Variants in NLRP10 observed in about 807,000 individuals in gnomAD.
NLRP10 encodes NLR family pyrin domain containing 10.
Under a neutral mutation model 8.2 loss-of-function variants are expected in NLRP10, and 7 were observed. The observed-to-expected ratio is 0.85, with a 90% CI of 0.48 to 1.60. The LOEUF (loss-of-function observed/expected upper bound fraction) is 1.60, where lower values mean the gene tolerates loss of function less well. NLRP10 is among the 40% of genes most tolerant of loss of function. The pLI, the probability that NLRP10 is intolerant of heterozygous loss-of-function variation, is 0.00. For synonymous variants in NLRP10, 338 were observed against 314.0 expected (o/e 1.08, Z -0.81); for missense variants, 814 against 776.3 (o/e 1.05, Z -0.58).
chr11:7,959,960 T>C lies in NLRP10; in HGVS notation c.1652A>G (p.Gln551Arg). 2 of 1,614,218 alleles carry C rather than the reference T, an allele frequency of 1.2e-6. No homozygotes were observed. Among genetic ancestry groups the C allele is most frequent in the African/African-American group, 2.7e-5 (2 of 75,076 alleles). The change falls in exon 3 of 3, where the codon CAG (glutamine) becomes CGG (arginine). Residue 551 changes from glutamine to arginine, a missense_variant. Gln to Arg is a conservative substitution (Grantham distance 43). Transcript: ENST00000691676. ...LAQDLKHFKE[Q>R]MESMKHNRTW... The stretch of plus-strand genomic sequence containing the variant: ...CCTGTTGTGCTTCATAGATTCCATC[T>C]GTTCTTTAAAATGCTTCAGATCCTG...
At position 7,961,306 on chromosome 11, in the gene NLRP10, G is replaced by A. The variant is rs773642195; in HGVS notation, c.306C>T (p.Tyr102=). Residue 102 remains tyrosine (Y), a synonymous_variant, in exon 3 of 3, where the codon TAC becomes TAT. Coordinates refer to ENST00000691676, the MANE Select transcript of NLRP10 (RefSeq NM_001391958.1). ...CCTCTAGGCAGCGCACATGCTCTCG[G>A]TATACTTCTCTGTAATCTGAGCCAA... ...HICLHDYREV[Y]REHVRCLEEW... 3.8e-6 allele frequency: 6 copies of A among 1,566,448 alleles called. No homozygotes were observed. Among genetic ancestry groups the A allele is most frequent in the Admixed American group, 3.8e-5 (2 of 52,564 alleles).
chr11:7,957,634 C>T lies in NLRP10; in HGVS notation c.*2010G>A, dbSNP rs1292569822. Among the ~76,000 whole-genome samples the T allele has an allele frequency of 2.6e-5, 4 of 152,136 alleles. No homozygotes were observed. The highest frequency in any genetic ancestry group is 5.9e-5 in the Non-Finnish European group (4 of 68,010). On this transcript the variant is annotated 3_prime_UTR_variant, in exon 3 of 3. Transcript: ENST00000691676. ...TTCCTATATACCCTCTCCACCACCA[C>T]CACCCCCTCACAAAGTTTCTCTTAT...
intron 2 of NLRP10, among the ~76,000 whole-genome samples, chr11:7,961,843 G>A (rs1941737232): frequency 6.6e-6 from 1 of 152,180 alleles, no homozygotes. Context: ...CAAATTTCAG[G>A]TTGAAATGTG....
Position 7,963,410 on chromosome 11 carries a change from T to C in NLRP10, c.86A>G (p.Lys29Arg). The change falls in exon 2 of 3, where the codon AAG becomes AGG. Residue 29 changes from lysine (K) to arginine (R), a missense_variant. Transcript: ENST00000691676. ...CAGGGTCATATCCCGTAAGTAGAAC[T>C]TTAACTTCTTGAAATCGTTCTCCTC... ...DLEENDFKKLKFYLRDMTLSE... is the reference protein window; with the variant it reads ...DLEENDFKKLRFYLRDMTLSE... 6.2e-7 allele frequency: 1 copy of C among 1,614,152 alleles called. No individual in the cohort carries two copies. Among genetic ancestry groups the C allele is most frequent in the Non-Finnish European group, 8.5e-7 (1 of 1,180,002 alleles).
Position 7,959,591 on chromosome 11 carries a change from C to T in NLRP10, c.*53G>A. 1 of 888,254 alleles carries T rather than the reference C, an allele frequency of 1.1e-6. No individual in the cohort carries two copies. Among genetic ancestry groups the T allele is most frequent in the African/African-American group, 1.7e-5 (1 of 59,098 alleles). The allele number at this position is 888,254 out of a possible 1,614,324, so 55.0% of individuals were successfully genotyped here. On this transcript the variant is annotated 3_prime_UTR_variant, in exon 3 of 3. Coordinates refer to ENST00000691676, the MANE Select transcript of NLRP10 (RefSeq NM_001391958.1). The stretch of plus-strand genomic sequence containing the variant: ...CATTTACAGCTTCTTTGATTTCTTT[C>T]CTCAGAGTGTTGTCATTTTCCTCAT...
intron 2 of NLRP10, among the ~76,000 whole-genome samples, chr11:7,962,260 G>C (rs546654524): frequency 0.036 from 406 of 11,336 alleles, 11 homozygotes; most frequent in Admixed American, 0.24. Context: ...TTTTGAGATG[G>C]AGTTTCGCTC....
In NLRP10 at chr11:7,963,367, TG is replaced by T; in HGVS notation, c.128del (p.Pro43HisfsTer10). ...RDMTLSEGQP[P>X]LARGELEGLI... is the part of the protein sequence containing the mutation. ...GGCCCTCCAACTCCCCTCTGGCCAG[TG>T]GGGGCTGGCCCTCAGACAGGGTCAT... On this transcript the variant is annotated frameshift_variant, in exon 2 of 3. Coordinates refer to ENST00000691676, the MANE Select transcript of NLRP10 (RefSeq NM_001391958.1). LOFTEE classifies it high-confidence loss of function. 1 of 1,613,698 alleles carries T rather than the reference TG, an allele frequency of 6.2e-7. No individual in the cohort carries two copies. The highest frequency in any genetic ancestry group is 1.1e-5 in the South Asian group (1 of 91,074).
At chr11:7,961,899 T>A (rs926369626) in intron 2 of NLRP10, among the ~76,000 whole-genome samples, 1 of 152,154 alleles carries the variant, frequency 6.6e-6, no homozygotes, top group African/African-American at 2.4e-5. Context: ...GTTTTTGTCA[T>A]GGGGGCAAAT....
intron 1 of NLRP10, among the ~76,000 whole-genome samples, chr11:7,964,145 C>T (rs948318753): frequency 6.6e-6 from 1 of 152,172 alleles, no homozygotes; most frequent in South Asian, 2.1e-4. Flanking sequence ...TAGACTCGAT[C>T]TCCTGACCTC....
chr11:7,960,915 G>C lies in NLRP10; in HGVS notation c.697C>G (p.Pro233Ala), dbSNP rs1280287992. ...LFWCCGDNQA[P>A]VTEILRQPER... is the part of the protein sequence containing the mutation. ...GGCTGCCTCAGAATCTCTGTGACAG[G>C]GGCTTGATTGTCCCCGCAGCACCAG... Residue 233 changes from proline to alanine, a missense_variant, in exon 3 of 3, where the codon CCT (proline) becomes GCT (alanine). Physicochemically the swap from Pro to Ala is conservative, Grantham distance 27. Coordinates refer to ENST00000691676, the MANE Select transcript of NLRP10 (RefSeq NM_001391958.1). 6.2e-7 allele frequency: 1 copy of C among 1,614,110 alleles called. No individual in the cohort carries two copies. Among genetic ancestry groups the C allele is most frequent in the African/African-American group, 1.3e-5 (1 of 75,008 alleles).
Position 7,965,323 on chromosome 11 carries a change from C to A in NLRP10, c.-123G>T, listed in dbSNP as rs1179030171. The A allele has an allele frequency of 6.6e-6, 1 of 152,262 alleles. No individual in the cohort carries two copies. Among genetic ancestry groups the A allele is most frequent in the Admixed American group, 6.5e-5 (1 of 15,278 alleles). 9.4% of individuals were successfully genotyped at this position (152,262 alleles called of 1,614,324 possible). A position where few individuals can be genotyped will look rare whatever the true frequency, so the allele number is the denominator to read the frequency against. On this transcript the variant is annotated 5_prime_UTR_variant, in exon 1 of 3. In the 5' UTR this introduces an upstream ATG that the reference lacks. Coordinates refer to ENST00000691676, the MANE Select transcript of NLRP10 (RefSeq NM_001391958.1). ...GATCCAGGAGCCCAGTAAGCAAAGC[C>A]TGGGGACTGAGACGAAACAGATCCC...
intron 2 of NLRP10, among the ~76,000 whole-genome samples, chr11:7,961,980 T>C (rs560090909): frequency 1.1e-4 from 14 of 129,738 alleles, no homozygotes; most frequent in African/African-American, 4.2e-4. Context: ...ACACAAGAGC[T>C]GGTTGTTTAA....
intron 2 of NLRP10, among the ~76,000 whole-genome samples, 184 bp from the exon 3 acceptor site, chr11:7,961,506 G>T (rs979372285): frequency 1.3e-5 from 2 of 152,180 alleles, no homozygotes; most frequent in Admixed American, 1.3e-4. Context: ...GTGTGCAGGC[G>T]CAGTATGCAT....
rs140749197 is a variant in NLRP10, at chr11:7,960,448, G to A, written c.1164C>T (p.Tyr388=). The change falls in exon 3 of 3, where the codon TAC becomes TAT. Residue 388 remains tyrosine (Y), a synonymous_variant. Transcript: ENST00000691676. ...CATCGGGCGGCAGAAAGGTGGAGAC[G>A]TAAGCCATGAAGATGTCAGTGCTGT... ...PRNSTDIFMA[Y]VSTFLPPDDD... 18 of 1,613,976 alleles carry A rather than the reference G, an allele frequency of 1.1e-5. No individual in the cohort carries two copies. Among genetic ancestry groups the A allele is most frequent in the Admixed American group, 1.7e-5 (1 of 59,996 alleles).
rs2133639129 is a variant in NLRP10, at chr11:7,959,499, C to T, written c.*145G>A. The T allele has an allele frequency of 1.8e-6, 1 of 540,890 alleles. No homozygotes were observed. The highest frequency in any genetic ancestry group is 3.2e-6 in the Non-Finnish European group (1 of 312,288). The allele number at this position is 540,890 out of a possible 1,614,324, so 33.5% of individuals were successfully genotyped here. A position where few individuals can be genotyped will look rare whatever the true frequency, so the allele number is the denominator to read the frequency against. ...GATTGCATTGAATCTACAGATCAAACTGGGGAAAACTAACATCTTAACAAT... is the reference window on the plus strand; with the variant it reads ...GATTGCATTGAATCTACAGATCAAATTGGGGAAAACTAACATCTTAACAAT... On this transcript the variant is annotated 3_prime_UTR_variant, in exon 3 of 3. Coordinates refer to ENST00000691676, the MANE Select transcript of NLRP10 (RefSeq NM_001391958.1).
Position 7,959,689 on chromosome 11 carries a change from T to C in NLRP10, c.1923A>G (p.Gly641=). The change falls in exon 3 of 3, where the codon GGA becomes GGG. Residue 641 remains glycine (G), a synonymous_variant. Transcript: ENST00000691676. The part of the protein sequence containing the change: ...IAGTQKEAST[G]KGRGTEETPK... ...GTGTTTCCTCTGTCCCTCTGCCTTTTCCAGTAGAAGCTTCCTTTTGTGTTC... is the reference window on the plus strand; with the variant it reads ...GTGTTTCCTCTGTCCCTCTGCCTTTCCCAGTAGAAGCTTCCTTTTGTGTTC... The C allele has an allele frequency of 1.3e-6, 2 of 1,594,148 alleles. No individual in the cohort carries two copies. Among genetic ancestry groups the C allele is most frequent in the Non-Finnish European group, 1.7e-6 (2 of 1,175,038 alleles).
chr11:7,963,028 C>G (rs1172869769), intron 2 of NLRP10, among the ~76,000 whole-genome samples, 179 bp downstream of exon 2: 1 of 152,204 alleles, frequency 6.6e-6, no homozygotes. Context: ...GCTCAGTCCC[C>G]CTCCTGACAG....
At chr11:7,962,471 C>T (rs1384404740) in intron 2 of NLRP10, among the ~76,000 whole-genome samples, 5 of 151,898 alleles carry the variant, frequency 3.3e-5, no homozygotes, top group African/African-American at 1.2e-4. Context: ...CTCCTGACCT[C>T]GTGATCCGCC....
Position 7,960,331 on chromosome 11 carries a change from T to C in NLRP10, c.1281A>G (p.Leu427=), listed in dbSNP as rs1941692505. 3 of 1,614,064 alleles carry C rather than the reference T, an allele frequency of 1.9e-6. No individual in the cohort carries two copies. The highest frequency in any genetic ancestry group is 2.5e-6 in the Non-Finnish European group (3 of 1,179,998). The change falls in exon 3 of 3, where the codon CTA becomes CTG. Residue 427 remains leucine (L), a synonymous_variant. Coordinates refer to ENST00000691676, the MANE Select transcript of NLRP10 (RefSeq NM_001391958.1). ...AAEGIQHQRF[L]FEEAELRKHN... ...GTTTCCTGAGCTCAGCTTCTTCAAA[T>C]AGGAACCTCTGGTGCTGAATCCCTT...
Sources: allele counts gnomAD v4.1 joint callset (sites outside exome capture counted in the v4.1 genomes callset), GRCh38; gene constraint gnomAD v4.1.1; transcripts MANE v1.5; gene names NCBI Gene and HGNC (gene_info 2026-07-23, HGNC 2026-07-21).